PLEKHM3: variants seen among roughly 807,000 people sequenced by gnomAD.
The protein encoded by PLEKHM3 is pleckstrin homology domain-containing family M member 3.
PLEKHM3 carries 45 observed loss-of-function variants against 81.8 expected under a neutral mutation model. That is an observed-to-expected ratio of 0.55 (90% CI 0.43 to 0.71). The LOEUF is 0.71. Among genes scored for constraint, PLEKHM3 ranks in the 30% least tolerant of loss-of-function variants. The pLI, the probability that PLEKHM3 is intolerant of heterozygous loss-of-function variation, is 0.00. For missense variants in PLEKHM3, 788 were observed against 924.3 expected (o/e 0.85, Z 1.91); for synonymous variants, 352 against 356.4 (o/e 0.99, Z 0.14).
rs373148344 is a variant in PLEKHM3 at position 207,946,274 on chromosome 2, T to A, written c.1692+93A>T. Reference sequence around the variant, plus strand: ...TATGAGACTACCTAATCATATCTGCTTCAAATTGTTTGATCACCATCTTTA... The same window carrying A: ...TATGAGACTACCTAATCATATCTGCATCAAATTGTTTGATCACCATCTTTA... On this transcript the variant is annotated intron_variant, in intron 4 of 7. Coordinates refer to ENST00000427836, the MANE Select transcript of PLEKHM3 (RefSeq NM_001080475.3). 6.2e-5 allele frequency: 88 copies of A among 1,420,912 alleles called. No individual in the cohort carries two copies. The East Asian group carries it at 1.1e-3, about 19-fold the overall frequency. The allele number at this position is 1,420,912 out of a possible 1,614,324, so 88.0% of individuals were successfully genotyped here.
chr2:208,006,012 C>A (rs564364235), intron 1 of PLEKHM3, among the ~76,000 whole-genome samples: 21 of 152,132 alleles, frequency 1.4e-4, no homozygotes, highest in Non-Finnish European at 2.1e-4. Flanking sequence ...CTCATAGCAC[C>A]TGGGTTTGCC....
intron 5 of PLEKHM3, among the ~76,000 whole-genome samples, chr2:207,922,063 C>G (rs534540330): frequency 6.6e-6 from 1 of 152,190 alleles, no homozygotes; most frequent in Non-Finnish European, 1.5e-5. Context: ...GCTCCATGCT[C>G]TTTTCCATAG....
At chr2:207,935,001 A>G (rs920012400) in intron 4 of PLEKHM3, among the ~76,000 whole-genome samples, 1 of 152,346 alleles carries the variant, frequency 6.6e-6, no homozygotes, top group African/African-American at 2.4e-5. Context: ...TGGAGACGAC[A>G]TGGTATTATG....
At chr2:207,846,906 A>T (rs2092386287) in intron 7 of PLEKHM3, among the ~76,000 whole-genome samples, 1 of 152,140 alleles carries the variant, frequency 6.6e-6, no homozygotes, top group Non-Finnish European at 1.5e-5. Context: ...AATAATGGAG[A>T]ATATTTTCTT....
At chr2:207,877,693 A>C (rs1011678076) in intron 6 of PLEKHM3, among the ~76,000 whole-genome samples, 1 of 152,176 alleles carries the variant, frequency 6.6e-6, no homozygotes, top group African/African-American at 2.4e-5. Context: ...ATATAAGGTA[A>C]AGTGCATAAA....
At chr2:207,868,368 C>T (rs2092513899) in intron 6 of PLEKHM3, among the ~76,000 whole-genome samples, 1 of 151,948 alleles carries the variant, frequency 6.6e-6, no homozygotes, top group Non-Finnish European at 1.5e-5. Flanking sequence ...TAGGGAGTCT[C>T]CCAGAGGGGC....
intron 1 of PLEKHM3, among the ~76,000 whole-genome samples, chr2:208,012,626 T>C (rs1692741055): frequency 6.6e-6 from 1 of 152,152 alleles, no homozygotes; most frequent in Admixed American, 6.5e-5. Context: ...AGTGTGGCAA[T>C]GGGAAGAACA....
rs138103755 is a variant in PLEKHM3 at position 207,976,123 on chromosome 2, G to T, written c.1546+528C>A. ...CATCTGCTGAATCATCATTTACTCC[G>T]CTTTTAGCCACCCCCACATTTTCTG... is the stretch of plus-strand genomic sequence containing the variant. On this transcript the variant is annotated intron_variant, in intron 3 of 7. Transcript: ENST00000427836. The surrounding 1 kb of genome is among the most constrained non-coding windows in gnomAD (Gnocchi z 4.1). Among the ~76,000 whole-genome samples the T allele has an allele frequency of 6.6e-6, 1 of 152,076 alleles. No homozygotes were observed. The highest frequency in any genetic ancestry group is 1.9e-4 in the East Asian group (1 of 5,204).
At chr2:207,846,615 C>T (rs534336897) in intron 7 of PLEKHM3, among the ~76,000 whole-genome samples, 27 of 151,888 alleles carry the variant, frequency 1.8e-4, no homozygotes, top group Non-Finnish European at 3.2e-4. Flanking sequence ...CCCAGCTACT[C>T]GGCAGGCTGA....
intron 5 of PLEKHM3, among the ~76,000 whole-genome samples, chr2:207,913,024 G>A (rs2105908265): frequency 6.6e-6 from 1 of 152,278 alleles, no homozygotes; most frequent in Admixed American, 6.5e-5. Context: ...GGTCCTACAA[G>A]TGGGCCTGAC....
intron 1 of PLEKHM3, among the ~76,000 whole-genome samples, chr2:208,010,307 C>A (rs1222861179): frequency 1.4e-4 from 22 of 152,192 alleles, no homozygotes. Context: ...CGACTGAAGG[C>A]AGCAGTGTTA....
In PLEKHM3 at chr2:207,843,513, T is replaced by C. The variant is rs2092365855; in HGVS notation, c.2109-15017A>G. ...AGTCATTTTGCTTGCTGCTTTGACA[T>C]TCACATCATTTCTGTCCCTAAGCCC... On this transcript the variant is annotated intron_variant, in intron 7 of 7. Transcript: ENST00000427836. The surrounding 1 kb of genome is among the most constrained non-coding windows in gnomAD (Gnocchi z 4.4). 6.6e-6 allele frequency among the ~76,000 whole-genome samples: 1 copy of C among 152,168 alleles called. No homozygotes were observed. The highest frequency in any genetic ancestry group is 1.5e-5 in the Non-Finnish European group (1 of 68,036).
At chr2:207,923,861 A>ACACACACACACACACACT (rs1209456035) in intron 5 of PLEKHM3, among the ~76,000 whole-genome samples, 11 of 28,274 alleles carry the variant, frequency 3.9e-4, no homozygotes, top group African/African-American at 1.5e-3. Flanking sequence ...GCACGCACAC[A>ACACACACACACACACACT]CACACACACA....
At chr2:207,941,500 A>C (rs1689938703) in intron 4 of PLEKHM3, among the ~76,000 whole-genome samples, 1 of 152,216 alleles carries the variant, frequency 6.6e-6, no homozygotes, top group African/African-American at 2.4e-5. Flanking sequence ...GAAATGTAAG[A>C]CCTGACAAAT....
chr2:207,951,995 G>A (rs1050392534), intron 3 of PLEKHM3, among the ~76,000 whole-genome samples: 3 of 152,158 alleles, frequency 2.0e-5, no homozygotes, highest in African/African-American at 7.2e-5. Flanking sequence ...AGTGCTAAGT[G>A]TGGTCAGTTA....
chr2:207,916,679 C>T (rs1293679980), intron 5 of PLEKHM3, among the ~76,000 whole-genome samples: 3 of 151,914 alleles, frequency 2.0e-5, no homozygotes, highest in African/African-American at 2.4e-5. Flanking sequence ...ACCCAGGAGG[C>T]GGAGGTTGCA....
intron 5 of PLEKHM3, among the ~76,000 whole-genome samples, chr2:207,925,149 T>G (rs932682090): frequency 1.1e-4 from 17 of 149,060 alleles, no homozygotes; most frequent in South Asian, 4.2e-4. Flanking sequence ...TGTTTTTTGT[T>G]TTTTTTTTTT....
Position 207,976,665 on chromosome 2 carries a change from C to G in PLEKHM3, c.1532G>C (p.Ser511Thr), listed in dbSNP as rs1691319066. The change falls in exon 3 of 8, where the codon AGT (serine) becomes ACT (threonine). Residue 511 changes from serine (S) to threonine (T), a missense_variant. Physicochemically the swap from Ser to Thr is moderately conservative, Grantham distance 58. Coordinates refer to ENST00000427836, the MANE Select transcript of PLEKHM3 (RefSeq NM_001080475.3). This position sits in a 1 kb window ranked among gnomAD's most constrained non-coding sequence, Gnocchi z 4.1. ...LSLERGLTAQ[S>T]FKCAGCQRSI... is the part of the protein sequence containing the mutation. ...CTGCTTCATACCTGCACATTTGAAACTCTGAGCAGTGAGTCCTCGTTCCAA... is the reference window on the plus strand; with the variant it reads ...CTGCTTCATACCTGCACATTTGAAAGTCTGAGCAGTGAGTCCTCGTTCCAA... 1.2e-6 allele frequency: 2 copies of G among 1,613,248 alleles called. No individual in the cohort carries two copies. Among genetic ancestry groups the G allele is most frequent in the Non-Finnish European group, 1.7e-6 (2 of 1,179,602 alleles).
At chr2:208,015,876 T>C (rs929038979) in intron 1 of PLEKHM3, among the ~76,000 whole-genome samples, 1 of 152,328 alleles carries the variant, frequency 6.6e-6, no homozygotes. Flanking sequence ...AATTCAAACA[T>C]ATTTTGATGA....
Sources: allele counts gnomAD v4.1 joint callset (sites outside exome capture counted in the v4.1 genomes callset), GRCh38; gene constraint gnomAD v4.1.1; non-coding constraint Gnocchi (gnomAD v3.1); transcripts MANE v1.5; gene names NCBI Gene and HGNC (gene_info 2026-07-23, HGNC 2026-07-21).